The following PALS2 variants were observed in gnomAD, a reference collection of about 807,000 sequenced individuals.
The protein encoded by PALS2 is protein associated with LIN7 2, MAGUK p55 family member, also known as protein PALS2.
Under a neutral mutation model 61.6 loss-of-function variants are expected in PALS2, and 27 were observed. The ratio of observed to expected loss-of-function variants is 0.44; its 90% CI spans 0.32 to 0.60. The LOEUF (loss-of-function observed/expected upper bound fraction) is 0.60, where lower values mean the gene tolerates loss of function less well. Ranked by LOEUF, PALS2 falls within the 20% of genes least tolerant of loss-of-function variation. The pLI, the probability that PALS2 is intolerant of heterozygous loss-of-function variation, is 0.05. For synonymous variants in PALS2, 236 were observed against 218.6 expected, an observed-to-expected ratio of 1.08 and a Z score of -0.70; for missense variants, 554 against 639.4, an observed-to-expected ratio of 0.87 and a Z score of 1.44.
intron 1 of PALS2, among the ~76,000 whole-genome samples, chr7:24,579,955 G>A (rs779318434): frequency 5.3e-5 from 8 of 152,036 alleles, no homozygotes; most frequent in Non-Finnish European, 1.2e-4. Flanking sequence ...AGATAGAATA[G>A]GGCAGCTGGA....
chr7:24,672,549 T>G (rs1009304800), intron 9 of PALS2, among the ~76,000 whole-genome samples: 2 of 152,166 alleles, frequency 1.3e-5, no homozygotes, highest in Non-Finnish European at 2.9e-5. Flanking sequence ...TCTATGAGCA[T>G]AGATGTCTCT....
chr7:24,608,563 T>G (rs1470831601), intron 1 of PALS2, among the ~76,000 whole-genome samples: 1 of 152,156 alleles, frequency 6.6e-6, no homozygotes. Context: ...GGATTAGCAG[T>G]TTCAACTTTA....
At chr7:24,665,056 T>A (rs961864392) in intron 6 of PALS2, among the ~76,000 whole-genome samples, 6 of 152,206 alleles carry the variant, frequency 3.9e-5, no homozygotes. Flanking sequence ...TCTTTGGAGC[T>A]TATTTTAAGT....
At chr7:24,638,683 G>T (rs1012683218) in intron 2 of PALS2, among the ~76,000 whole-genome samples, 5 of 152,082 alleles carry the variant, frequency 3.3e-5, no homozygotes, top group African/African-American at 1.2e-4. Context: ...CAAACTGTGA[G>T]GCTGATATGA....
In PALS2 at chr7:24,583,916, G is replaced by GT. The variant is rs1036308418; in HGVS notation, c.-3+10329dup. ...TATGAGTGAGAATATGCGGTGTTTG[G>GT]TTTTTTGTTCTCACGATAGTTTACT... On this transcript the variant is annotated intron_variant, in intron 1 of 11. Transcript: ENST00000222644. Among the ~76,000 whole-genome samples, 6 of 151,554 alleles carry GT rather than the reference G, an allele frequency of 4.0e-5. No individual in the cohort carries two copies. The East Asian group carries it at 9.7e-4, about 24-fold the overall frequency.
rs1167249161 is a variant in PALS2 at position 24,573,622 on chromosome 7, G to T, written c.-3+29G>T. ...AGTTAACTGGACCCCCACGCCGCTC[G>T]GGTAACGGTCGCGCCGCGCGCCGGG... On this transcript the variant is annotated intron_variant, in intron 1 of 11. Transcript: ENST00000222644. The surrounding 1 kb of genome is among the most constrained non-coding windows in gnomAD (Gnocchi z 5.3). 9 of 334,826 alleles carry T rather than the reference G, an allele frequency of 2.7e-5. No individual in the cohort carries two copies. The highest frequency in any genetic ancestry group is 4.9e-5 in the Non-Finnish European group (9 of 185,278). The allele number at this position is 334,826 out of a possible 1,614,324, so 20.7% of individuals were successfully genotyped here.
intron 5 of PALS2, among the ~76,000 whole-genome samples, chr7:24,660,830 C>G (rs1786680034): frequency 6.6e-6 from 1 of 152,194 alleles, no homozygotes; most frequent in African/African-American, 2.4e-5. Context: ...CATTCTTCCA[C>G]AAGCCTATTA....
intron 9 of PALS2, among the ~76,000 whole-genome samples, chr7:24,678,570 T>C (rs554077893): frequency 1.3e-5 from 2 of 152,324 alleles, no homozygotes; most frequent in Admixed American, 1.3e-4. Flanking sequence ...TGAACTTTGC[T>C]TGCTCACGTT....
intron 2 of PALS2, among the ~76,000 whole-genome samples, chr7:24,626,765 A>C (rs1308534402): frequency 6.6e-6 from 1 of 152,200 alleles, no homozygotes; most frequent in East Asian, 1.9e-4. Flanking sequence ...AACAAAGATC[A>C]AAAAAGACAA....
rs1265008724 is a variant in PALS2, at chr7:24,648,289, C to CTT, written c.271-1304_271-1303dup. On this transcript the variant is annotated intron_variant, in intron 3 of 11. Coordinates refer to ENST00000222644, the MANE Select transcript of PALS2 (RefSeq NM_001303037.2). ...ATGCACAGTTGCAGTAAAAATTATT[C>CTT]TTTTTTTTTTTTTTTTTTTTGAGAC... is the stretch of plus-strand genomic sequence containing the variant. 3.7e-3 allele frequency among the ~76,000 whole-genome samples: 444 copies of CTT among 118,722 alleles called. 4 individuals carry two copies. Among genetic ancestry groups the CTT allele is most frequent in the Admixed American group, 9.9e-3 (116 of 11,674 alleles). 77.9% of individuals were successfully genotyped at this position (118,722 alleles called of 152,430 possible).
intron 3 of PALS2, among the ~76,000 whole-genome samples, chr7:24,644,911 T>C (rs976834219): frequency 6.6e-6 from 1 of 152,180 alleles, no homozygotes; most frequent in Non-Finnish European, 1.5e-5. Flanking sequence ...TATTGAGCTT[T>C]TTTTCATATC....
chr7:24,634,229 TTTTTTA>T, intron 2 of PALS2, among the ~76,000 whole-genome samples: 1 of 152,248 alleles, frequency 6.6e-6, no homozygotes, highest in East Asian at 1.9e-4. Flanking sequence ...TTGTTTTTTG[TTTTTTA>T]TTTTTATTTT....
intron 1 of PALS2, chr7:24,597,143 A>G (rs930109318): frequency 6.6e-6 from 1 of 152,180 alleles, no homozygotes; most frequent in Non-Finnish European, 1.5e-5. Context: ...TAAAGGCACC[A>G]TCTTTGGGAC....
chr7:24,642,019 C>T (rs1785583291), intron 3 of PALS2, 151 bp downstream of exon 3: 1 of 771,476 alleles, frequency 1.3e-6, no homozygotes, highest in Non-Finnish European at 2.1e-6. Flanking sequence ...TTAATGTCCT[C>T]ATATGCTGAG....
intron 1 of PALS2, among the ~76,000 whole-genome samples, chr7:24,611,486 A>C (rs1364182973): frequency 6.6e-6 from 1 of 152,032 alleles, no homozygotes; most frequent in Non-Finnish European, 1.5e-5. Context: ...TGTGACTGTG[A>C]AACTATGCCA....
chr7:24,621,258 A>G (rs1784501695), intron 1 of PALS2, among the ~76,000 whole-genome samples: 1 of 152,124 alleles, frequency 6.6e-6, no homozygotes, highest in Non-Finnish European at 1.5e-5. Context: ...TCAGTCATCC[A>G]TGAAACCCCC....
intron 2 of PALS2, among the ~76,000 whole-genome samples, chr7:24,637,904 G>A (rs1219762166): frequency 6.6e-6 from 1 of 152,116 alleles, no homozygotes; most frequent in Non-Finnish European, 1.5e-5. Context: ...ACCACTTGTG[G>A]CAAGTGAAAT....
chr7:24,576,177 A>C, intron 1 of PALS2, among the ~76,000 whole-genome samples: 1 of 152,228 alleles, frequency 6.6e-6, no homozygotes, highest in Non-Finnish European at 1.5e-5. Flanking sequence ...CTTCACATTT[A>C]TAAATATAAG....
intron 2 of PALS2, among the ~76,000 whole-genome samples, chr7:24,628,543 G>C (rs1197587736): frequency 6.6e-6 from 1 of 152,138 alleles, no homozygotes; most frequent in Non-Finnish European, 1.5e-5. Flanking sequence ...ATTCAAATAG[G>C]AAGAGAGGAA....
Sources: gnomAD v4.1 joint callset for allele counts (sites outside exome capture counted in the v4.1 genomes callset) on GRCh38, gnomAD v4.1.1 for gene constraint, Gnocchi (gnomAD v3.1) non-coding constraint, MANE v1.5 for transcripts, NCBI Gene and HGNC (gene_info 2026-07-23, HGNC 2026-07-21) for gene names.